Variants in DAB1 observed in about 807,000 individuals in gnomAD.
DAB1 encodes the protein DAB adaptor protein 1, also known as disabled homolog 1.
DAB1 carries 15 observed loss-of-function variants against 64.6 expected under a neutral mutation model. That is an observed-to-expected ratio of 0.23 (90% CI 0.16 to 0.36). The LOEUF (loss-of-function observed/expected upper bound fraction) is 0.36. DAB1 is among the 10% of genes least tolerant of loss of function. The pLI is 1.00. For synonymous variants in DAB1, 235 were observed against 251.9 expected, an observed-to-expected ratio of 0.93 and a Z score of 0.64; for missense variants, 596 against 706.7, an observed-to-expected ratio of 0.84 and a Z score of 1.78.
At chr1:57,208,955 G>C (rs968445146) in intron 2 of DAB1, among the ~76,000 whole-genome samples, 15 of 152,206 alleles carry the variant, frequency 9.9e-5, no homozygotes, top group African/African-American at 3.4e-4. Flanking sequence ...AAGCTTCAGA[G>C]ATAAATGCAC....
intron 5 of DAB1, among the ~76,000 whole-genome samples, chr1:58,049,748 T>A (rs1647508829): frequency 1.3e-5 from 2 of 152,204 alleles, no homozygotes; most frequent in Admixed American, 1.3e-4. Context: ...AGGATAGTTT[T>A]AGTATTACAT....
At chr1:57,300,215 C>T (rs573749806) in intron 1 of DAB1, among the ~76,000 whole-genome samples, 1 of 152,296 alleles carries the variant, frequency 6.6e-6, no homozygotes, top group South Asian at 2.1e-4. Flanking sequence ...CTTTGATAGA[C>T]CACTGTTCTA....
chr1:57,678,761 G>GTT (rs143885937), intron 6 of DAB1, among the ~76,000 whole-genome samples: 7,753 of 135,658 alleles, frequency 0.057, 620 homozygotes, highest in African/African-American at 0.13. Context: ...TGAGGCAACT[G>GTT]TTTTTTGTTT....
At chr1:57,871,625 G>A (rs1643950577) in intron 1 of DAB1, among the ~76,000 whole-genome samples, 1 of 152,156 alleles carries the variant, frequency 6.6e-6, no homozygotes, top group Non-Finnish European at 1.5e-5. Context: ...AACCCTTCTG[G>A]TTTATAAGCA....
chr1:58,241,405 G>A (rs1313712356), intron 4 of DAB1, among the ~76,000 whole-genome samples: 1 of 151,892 alleles, frequency 6.6e-6, no homozygotes, highest in Non-Finnish European at 1.5e-5. Context: ...CATTTATTCT[G>A]TACCTAAACC....
intron 5 of DAB1, among the ~76,000 whole-genome samples, chr1:57,986,475 T>C (rs1646221972): frequency 6.6e-6 from 1 of 152,204 alleles, no homozygotes; most frequent in African/African-American, 2.4e-5. Flanking sequence ...CCTTTAGACA[T>C]GTACAAAATA....
At chr1:58,543,477 C>G (rs547921857) in intron 1 of DAB1, among the ~76,000 whole-genome samples, 2 of 152,298 alleles carry the variant, frequency 1.3e-5, no homozygotes, top group East Asian at 3.9e-4. Flanking sequence ...TCTAGCCTTT[C>G]CTGGGCTCTG....
At chr1:57,888,966 T>C (rs1198763867), upstream of DAB1, among the ~76,000 whole-genome samples, 2 of 152,180 alleles carry the variant, frequency 1.3e-5, no homozygotes, top group Non-Finnish European at 2.9e-5. Context: ...GCATGCCCAT[T>C]GCACATTGGT....
chr1:57,811,188 T>C (rs1651601498), intron 6 of DAB1, among the ~76,000 whole-genome samples: 1 of 152,234 alleles, frequency 6.6e-6, no homozygotes, highest in Non-Finnish European at 1.5e-5. Flanking sequence ...TTTTGCCCTA[T>C]TAGATAACTG....
At position 57,634,579 on chromosome 1, in the gene DAB1, C is replaced by T. The variant is rs1646029219; in HGVS notation, n.625+15013G>A. On this transcript the variant is annotated intron_variant and non_coding_transcript_variant, in intron 7 of 20. Transcript: ENST00000485760. ...TAACGTGTAAAAATAGAACAAATATCTACCTTACCCTCTTCCAGATTTGGT... is the reference window on the plus strand; with the variant it reads ...TAACGTGTAAAAATAGAACAAATATTTACCTTACCCTCTTCCAGATTTGGT... 2.0e-5 allele frequency among the ~76,000 whole-genome samples: 3 copies of T among 152,280 alleles called. 1 individual carries two copies. The South Asian group carries it at 6.2e-4, about 32-fold the overall frequency.
chr1:57,462,171 A>C (rs1485115780), intron 7 of DAB1, among the ~76,000 whole-genome samples: 1 of 151,262 alleles, frequency 6.6e-6, no homozygotes, highest in Non-Finnish European at 1.5e-5. Flanking sequence ...CTGGTCTCGA[A>C]CTCCTGACCT....
chr1:57,132,391 C>A (rs1405774025), intron 4 of DAB1, among the ~76,000 whole-genome samples: 1 of 152,114 alleles, frequency 6.6e-6, no homozygotes, highest in Non-Finnish European at 1.5e-5. Flanking sequence ...ATCTCAGGGG[C>A]AAGGACAGTG....
chr1:57,940,195 C>T (rs987654513), intron 5 of DAB1, among the ~76,000 whole-genome samples: 4 of 152,186 alleles, frequency 2.6e-5, no homozygotes, highest in Non-Finnish European at 4.4e-5. Flanking sequence ...TACAGGTCCT[C>T]CTAAGCCCAG....
At chr1:58,190,920 G>T (rs563309911) in intron 4 of DAB1, among the ~76,000 whole-genome samples, 2 of 152,276 alleles carry the variant, frequency 1.3e-5, no homozygotes, top group Admixed American at 6.5e-5. Flanking sequence ...TCGACTTCCC[G>T]CATGGGTGGA....
At chr1:57,973,305 G>A (rs2764692) in intron 5 of DAB1, among the ~76,000 whole-genome samples, 1 of 152,168 alleles carries the variant, frequency 6.6e-6, no homozygotes, top group African/African-American at 2.4e-5. Flanking sequence ...CCCCTAGAGC[G>A]TTCAGAGGCA....
chr1:57,554,062 G>A (rs766851700), intron 7 of DAB1, among the ~76,000 whole-genome samples: 11 of 152,330 alleles, frequency 7.2e-5, no homozygotes, highest in South Asian at 2.1e-4. Flanking sequence ...GAAATAACCG[G>A]TAGAGAAGGA....
intron 1 of DAB1, among the ~76,000 whole-genome samples, chr1:57,332,322 G>A (rs1009759340): frequency 6.6e-6 from 1 of 151,998 alleles, no homozygotes; most frequent in Admixed American, 6.6e-5. Context: ...ACTCATTGAG[G>A]TCTCTGTTAT....
chr1:57,552,169 C>A (rs183590625), intron 7 of DAB1, among the ~76,000 whole-genome samples: 1 of 152,160 alleles, frequency 6.6e-6, no homozygotes, highest in Admixed American at 6.5e-5. Context: ...AATTGGGACA[C>A]TCCAAAAGTA....
At position 57,777,600 on chromosome 1, in the gene DAB1, ATT is replaced by A. The variant is rs1319435340; in HGVS notation, n.551+106397_551+106398del. On this transcript the variant is annotated intron_variant and non_coding_transcript_variant, in intron 6 of 20. Coordinates refer to the DAB1 transcript ENST00000485760. Reference sequence around the variant, plus strand: ...GACATATATATTTCAGATATTATATATTTCAACTCTAGAAGTTTTACTTGATT... The same window carrying A: ...GACATATATATTTCAGATATTATATATCAACTCTAGAAGTTTTACTTGATT... Among the ~76,000 whole-genome samples, 174 of 152,052 alleles carry A rather than the reference ATT, an allele frequency of 1.1e-3. 1 individual carries two copies. Among genetic ancestry groups the A allele is most frequent in the African/African-American group, 4.0e-3 (167 of 41,524 alleles).
Sources: allele counts gnomAD v4.1 joint callset (sites outside exome capture counted in the v4.1 genomes callset), GRCh38; gene constraint gnomAD v4.1.1; transcripts MANE v1.5; gene names NCBI Gene and HGNC (gene_info 2026-07-23, HGNC 2026-07-21).